EYS: variants seen among roughly 807,000 people sequenced by gnomAD.
EYS encodes EGF-like photoreceptor maintenance factor, also known as protein eyes shut homolog.
A neutral mutation model predicts 282.1 loss-of-function variants in EYS; 250 were observed. The ratio of observed to expected loss-of-function variants is 0.89; its 90% CI spans 0.80 to 0.98. EYS has a LOEUF of 0.98. Ranked by LOEUF, EYS falls within the 50% of genes least tolerant of loss-of-function variation. The pLI, the probability that EYS is intolerant of heterozygous loss-of-function variation, is 0.00. For missense variants in EYS, 4,016 were observed against 3,709.0 expected (o/e 1.08, Z -2.15); for synonymous variants, 1,355 against 1,282.9 (o/e 1.06, Z -1.20).
intron 30 of EYS, among the ~76,000 whole-genome samples, chr6:64,232,651 C>G (rs552641278): frequency 1.3e-5 from 2 of 152,122 alleles, no homozygotes; most frequent in African/African-American, 2.4e-5. Flanking sequence ...TCGGCCCCCC[C>G]AGAGCATTGG....
intron 23 of EYS, among the ~76,000 whole-genome samples, chr6:64,619,301 CT>C (rs1767372159): frequency 6.6e-6 from 1 of 152,104 alleles, no homozygotes; most frequent in African/African-American, 2.4e-5. Context: ...CATGATAAAG[CT>C]TTAAACCATA....
At chr6:64,341,901 C>T (rs933032008) in intron 29 of EYS, among the ~76,000 whole-genome samples, 5 of 151,362 alleles carry the variant, frequency 3.3e-5, no homozygotes, top group Non-Finnish European at 5.9e-5. Context: ...AAAAGAATAC[C>T]GAATGTGATA....
chr6:64,258,496 C>T (rs1334531062), intron 30 of EYS, among the ~76,000 whole-genome samples: 4 of 151,876 alleles, frequency 2.6e-5, no homozygotes, highest in Non-Finnish European at 5.9e-5. Context: ...TAAATGACAA[C>T]AAACAAAAGA....
chr6:65,322,238 A>C (rs1207245928), intron 11 of EYS, among the ~76,000 whole-genome samples: 1 of 152,164 alleles, frequency 6.6e-6, no homozygotes, highest in Non-Finnish European at 1.5e-5. Flanking sequence ...AACCAGATGA[A>C]ATGAGGAAAG....
intron 31 of EYS, among the ~76,000 whole-genome samples, chr6:64,145,332 G>A (rs1387579322): frequency 6.6e-6 from 1 of 152,134 alleles, no homozygotes; most frequent in South Asian, 2.1e-4. Flanking sequence ...TGCATGGAAA[G>A]AAATGACTTT....
chr6:63,962,078 C>A (rs1018647273), intron 35 of EYS, among the ~76,000 whole-genome samples: 1 of 152,110 alleles, frequency 6.6e-6, no homozygotes, highest in African/African-American at 2.4e-5. Context: ...GAAACTGGAT[C>A]CCTTCCTTAC....
intron 29 of EYS, among the ~76,000 whole-genome samples, chr6:64,311,912 A>G (rs1057499728): frequency 3.3e-5 from 5 of 151,358 alleles, no homozygotes; most frequent in Non-Finnish European, 7.4e-5. Context: ...CTATGCTACC[A>G]GGGCCCTGGG....
chr6:65,619,875 G>A, intron 2 of EYS, among the ~76,000 whole-genome samples: 1 of 151,010 alleles, frequency 6.6e-6, no homozygotes, highest in African/African-American at 2.4e-5. Flanking sequence ...TGCGTATGTT[G>A]AACCAGCCTT....
intron 22 of EYS, among the ~76,000 whole-genome samples, chr6:64,748,175 G>T (rs78579467): frequency 0.015 from 2,330 of 152,244 alleles, 62 homozygotes; most frequent in African/African-American, 0.053. Flanking sequence ...TTGTTCTTGT[G>T]CTACATATTT....
At chr6:64,826,348 A>G (rs1401204639) in intron 19 of EYS, among the ~76,000 whole-genome samples, 3 of 151,920 alleles carry the variant, frequency 2.0e-5, no homozygotes, top group Admixed American at 6.6e-5. Flanking sequence ...CTACAGCAAT[A>G]GTTTATGTTT....
At chr6:65,555,425 T>A (rs1022546686) in intron 2 of EYS, among the ~76,000 whole-genome samples, 4 of 152,120 alleles carry the variant, frequency 2.6e-5, no homozygotes, top group African/African-American at 9.6e-5. Context: ...TTTAGCCCTT[T>A]ACTTTATTTT....
intron 41 of EYS, among the ~76,000 whole-genome samples, chr6:63,757,893 T>G (rs1472282011): frequency 6.6e-6 from 1 of 152,108 alleles, no homozygotes; most frequent in Non-Finnish European, 1.5e-5. Context: ...GAGAATGAGT[T>G]TCTTTGTTTG....
At chr6:64,539,296 A>G (rs1286977202) in intron 26 of EYS, among the ~76,000 whole-genome samples, 5 of 152,190 alleles carry the variant, frequency 3.3e-5, no homozygotes, top group Non-Finnish European at 1.5e-5. Context: ...TGGGGTACAG[A>G]GGCTCCTGTC....
intron 31 of EYS, among the ~76,000 whole-genome samples, chr6:64,230,260 A>T (rs1766380683): frequency 6.6e-6 from 1 of 152,152 alleles, no homozygotes; most frequent in Admixed American, 6.6e-5. Flanking sequence ...ATTAATTAGA[A>T]CCTAATTGTC....
At chr6:64,647,479 C>A (rs1002280365) in intron 22 of EYS, among the ~76,000 whole-genome samples, 2 of 152,198 alleles carry the variant, frequency 1.3e-5, no homozygotes, top group African/African-American at 4.8e-5. Context: ...GAATACTCAA[C>A]AACTTTATAA....
rs148602909 is a variant in EYS, at chr6:65,483,532, A to G, written c.862+7062T>C. On this transcript the variant is annotated intron_variant, in intron 5 of 42. Coordinates refer to ENST00000503581, the MANE Select transcript of EYS (RefSeq NM_001142800.2). Reference sequence around the variant, plus strand: ...TGGTTTTACTATGGCTCATTAGAACATAATATTGATTATGAATCCAGACTC... The same window carrying G: ...TGGTTTTACTATGGCTCATTAGAACGTAATATTGATTATGAATCCAGACTC... 2.5e-4 allele frequency among the ~76,000 whole-genome samples: 38 copies of G among 152,264 alleles called. No homozygotes were observed. The East Asian group carries it at 6.8e-3, about 27-fold the overall frequency.
chr6:64,637,537 T>C lies in EYS; in HGVS notation c.3444-11292A>G, dbSNP rs1387043387. On this transcript the variant is annotated intron_variant, in intron 22 of 42. Coordinates refer to ENST00000503581, the MANE Select transcript of EYS (RefSeq NM_001142800.2). ...GCAGCACACCAACATGGCACATGTA[T>C]ACATATGTAACTAACCTGCACATTG... Among the ~76,000 whole-genome samples the C allele has an allele frequency of 4.5e-5, 4 of 88,300 alleles. 2 individuals carry two copies. Among genetic ancestry groups the C allele is most frequent in the Non-Finnish European group, 4.8e-5 (2 of 41,368 alleles). The allele number at this position is 88,300 out of a possible 152,430, so 57.9% of individuals were successfully genotyped here. A position where few individuals can be genotyped will look rare whatever the true frequency, so the allele number is the denominator to read the frequency against.
At chr6:63,942,402 A>T (rs1765269141) in intron 35 of EYS, among the ~76,000 whole-genome samples, 1 of 152,212 alleles carries the variant, frequency 6.6e-6, no homozygotes, top group Non-Finnish European at 1.5e-5. Context: ...AGAAGGTTTC[A>T]ATATAGGATC....
intron 8 of EYS, among the ~76,000 whole-genome samples, chr6:65,360,820 A>G (rs192546314): frequency 6.6e-6 from 1 of 152,318 alleles, no homozygotes; most frequent in Non-Finnish European, 1.5e-5. Context: ...CTATGTAGAA[A>G]GACAGTATTG....
Sources: allele counts gnomAD v4.1 joint callset (sites outside exome capture counted in the v4.1 genomes callset), GRCh38; gene constraint gnomAD v4.1.1; transcripts MANE v1.5; gene names NCBI Gene and HGNC (gene_info 2026-07-23, HGNC 2026-07-21).